Variants in SHISA9 observed in about 807,000 individuals in gnomAD.
The protein encoded by SHISA9 is shisa family member 9.
A neutral mutation model predicts 38.0 loss-of-function variants in SHISA9; 13 were observed. The observed-to-expected ratio is 0.34, with a 90% CI of 0.22 to 0.54. The LOEUF (loss-of-function observed/expected upper bound fraction) is 0.54. SHISA9 is among the 20% of genes least tolerant of loss of function. SHISA9 has a pLI of 0.91. For missense variants in SHISA9, 538 were observed against 575.8 expected (o/e 0.93, Z 0.67); for synonymous variants, 275 against 242.0 (o/e 1.14, Z -1.27).
the SHISA9 span, among the ~76,000 whole-genome samples, chr16:13,381,731 C>T: frequency 6.6e-6 from 1 of 151,988 alleles, no homozygotes; most frequent in African/African-American, 2.4e-5. Context: ...ATCTATAAAC[C>T]TAACTAAGTG....
chr16:13,120,836 G>A (rs2050202733), intron 2 of SHISA9, among the ~76,000 whole-genome samples: 1 of 152,132 alleles, frequency 6.6e-6, no homozygotes, highest in Non-Finnish European at 1.5e-5. Flanking sequence ...AGATTGCTAA[G>A]CACATAGGGT....
chr16:13,399,045 A>G, the SHISA9 span, among the ~76,000 whole-genome samples: 1 of 152,140 alleles, frequency 6.6e-6, no homozygotes, highest in African/African-American at 2.4e-5. Context: ...GCCTGAGCTC[A>G]GGAGTTTGGG....
intron 2 of SHISA9, among the ~76,000 whole-genome samples, chr16:12,928,962 C>G (rs573792615): frequency 1.3e-5 from 2 of 152,252 alleles, no homozygotes; most frequent in African/African-American, 4.8e-5. Context: ...GATACTGGTA[C>G]TATTCTTTAA....
chr16:13,193,348 T>C (rs1239971683), intron 2 of SHISA9, among the ~76,000 whole-genome samples: 1 of 152,146 alleles, frequency 6.6e-6, no homozygotes, highest in African/African-American at 2.4e-5. Context: ...CCTTTTCCTT[T>C]TTATTTGGCC....
At chr16:13,473,349 CTTTTT>C in the SHISA9 span, among the ~76,000 whole-genome samples, 1 of 73,904 alleles carries the variant, frequency 1.4e-5, no homozygotes, top group African/African-American at 5.2e-5. Flanking sequence ...TTCTTTCTTT[CTTTTT>C]TTTTTTTTTT....
the SHISA9 span, among the ~76,000 whole-genome samples, chr16:13,278,500 C>T: frequency 4.6e-5 from 7 of 151,922 alleles, no homozygotes; most frequent in Admixed American, 6.6e-5. Context: ...GATACGCATT[C>T]GTCTTTGAAT....
the SHISA9 span, among the ~76,000 whole-genome samples, chr16:13,266,259 C>G: frequency 1.3e-5 from 2 of 152,120 alleles, no homozygotes; most frequent in Non-Finnish European, 2.9e-5. Flanking sequence ...TAGCTTTATG[C>G]TGTATTTCTA....
chr16:13,257,699 C>T, the SHISA9 span, among the ~76,000 whole-genome samples: 1 of 152,098 alleles, frequency 6.6e-6, no homozygotes, highest in Admixed American at 6.6e-5. Flanking sequence ...TATGAGTGTC[C>T]ACCAGGGATC....
chr16:13,486,327 C>T, the SHISA9 span, among the ~76,000 whole-genome samples: 573 of 152,276 alleles, frequency 3.8e-3, 3 homozygotes, highest in African/African-American at 0.013. Context: ...TTCATGAGAG[C>T]ACTCAGAAGT....
chr16:13,498,673 C>G, the SHISA9 span, among the ~76,000 whole-genome samples: 1 of 152,134 alleles, frequency 6.6e-6, no homozygotes, highest in Non-Finnish European at 1.5e-5. Context: ...AGTAGAATCA[C>G]TTGAACATGG....
intron 2 of SHISA9, among the ~76,000 whole-genome samples, chr16:12,946,768 C>T (rs1211121840): frequency 1.3e-5 from 2 of 152,250 alleles, no homozygotes; most frequent in Non-Finnish European, 1.5e-5. Context: ...TAGCAACCAA[C>T]ATTCTCAACA....
the SHISA9 span, among the ~76,000 whole-genome samples, chr16:13,335,324 A>C: frequency 2.0e-5 from 3 of 152,182 alleles, no homozygotes; most frequent in Non-Finnish European, 2.9e-5. Flanking sequence ...TTTGCAGAGG[A>C]AGAGAGAGAT....
At chr16:13,186,914 T>C (rs146091165) in intron 2 of SHISA9, among the ~76,000 whole-genome samples, 1 of 152,334 alleles carries the variant, frequency 6.6e-6, no homozygotes, top group East Asian at 1.9e-4. Flanking sequence ...TCCCTCCTTT[T>C]AAAGCTCAAT....
chr16:13,553,483 G>T, the SHISA9 span, among the ~76,000 whole-genome samples: 1 of 152,096 alleles, frequency 6.6e-6, no homozygotes, highest in Non-Finnish European at 1.5e-5. Context: ...CTAGCAAAAA[G>T]GTAAAGCAGG....
At chr16:13,486,773 C>A in the SHISA9 span, among the ~76,000 whole-genome samples, 1 of 152,172 alleles carries the variant, frequency 6.6e-6, no homozygotes, top group South Asian at 2.1e-4. Context: ...GGCATGATCT[C>A]AGCTCACCGC....
chr16:13,316,280 G>GAA, the SHISA9 span, among the ~76,000 whole-genome samples: 1 of 152,154 alleles, frequency 6.6e-6, no homozygotes, highest in Non-Finnish European at 1.5e-5. Flanking sequence ...CAACCACAGA[G>GAA]AACGTGTCCA....
the SHISA9 span, among the ~76,000 whole-genome samples, chr16:13,555,250 C>A: frequency 6.6e-6 from 1 of 152,094 alleles, no homozygotes; most frequent in Admixed American, 6.6e-5. Flanking sequence ...CTATTATTAT[C>A]CCTGAAATAA....
chr16:13,544,740 C>T, the SHISA9 span, among the ~76,000 whole-genome samples: 1 of 151,952 alleles, frequency 6.6e-6, no homozygotes. Flanking sequence ...GTCAGGAGCT[C>T]GAGACCAGCC....
chr16:13,353,900 A>G, the SHISA9 span, among the ~76,000 whole-genome samples: 2,792 of 151,926 alleles, frequency 0.018, 36 homozygotes, highest in Middle Eastern at 0.034. Flanking sequence ...ATAAAGGCTC[A>G]TCTGTTATGA....
Sources: gnomAD v4.1 joint callset for allele counts (sites outside exome capture counted in the v4.1 genomes callset) on GRCh38, gnomAD v4.1.1 for gene constraint, MANE v1.5 for transcripts, NCBI Gene and HGNC (gene_info 2026-07-23, HGNC 2026-07-21) for gene names.